The following EPM2A variants were observed in gnomAD, a reference collection of about 807,000 sequenced individuals.
EPM2A encodes the protein laforin.
In EPM2A, 21 loss-of-function variants were observed where a neutral mutation model predicts 26.5. That is an observed-to-expected ratio of 0.79 (90% CI 0.56 to 1.14). The LOEUF (loss-of-function observed/expected upper bound fraction) is 1.14, where lower values mean the gene tolerates loss of function less well. Among genes scored for constraint, EPM2A ranks in the 50% most tolerant of loss-of-function variants. The pLI is 0.00. For synonymous variants in EPM2A, 217 were observed against 177.6 expected (o/e 1.22, Z -1.76); for missense variants, 458 against 440.8 (o/e 1.04, Z -0.35).
At chr6:145,729,838 T>C (rs2128644668) in intron 1 of EPM2A, among the ~76,000 whole-genome samples, 1 of 152,312 alleles carries the variant, frequency 6.6e-6, no homozygotes, top group South Asian at 2.1e-4. Flanking sequence ...AGTGGAATGA[T>C]ATGGTTTAGA....
chr6:145,573,256 C>A (rs144080159), intron 2 of EPM2A, among the ~76,000 whole-genome samples: 2 of 152,166 alleles, frequency 1.3e-5, no homozygotes, highest in Non-Finnish European at 2.9e-5. Context: ...AGTTGATATA[C>A]CCCTGAGGTA....
intron 2 of EPM2A, chr6:145,641,328 G>A (rs1190132037): frequency 1.3e-5 from 2 of 152,210 alleles, no homozygotes; most frequent in Non-Finnish European, 1.5e-5. Context: ...GTCCTTATAA[G>A]AGGGGGGTTT....
intron 2 of EPM2A, among the ~76,000 whole-genome samples, chr6:145,521,371 G>T (rs1213483341): frequency 6.6e-6 from 1 of 152,098 alleles, no homozygotes; most frequent in Non-Finnish European, 1.5e-5. Context: ...AAAAGATAAA[G>T]AAATCTTGCC....
downstream of EPM2A, among the ~76,000 whole-genome samples, chr6:145,500,593 T>C (rs1779876538): frequency 6.6e-6 from 1 of 152,070 alleles, no homozygotes; most frequent in Non-Finnish European, 1.5e-5. Flanking sequence ...TTCTTGAGAG[T>C]TCCTGTTTCT....
At position 145,627,280 on chromosome 6, in the gene EPM2A, C is replaced by A; in HGVS notation, c.*136G>T. ...AACAAAGCATAATCGAAAGTCATCC[C>A]AGGTGAAAGTGGTTGGCTTGGGGGA... On this transcript the variant is annotated 3_prime_UTR_variant, in exon 4 of 4. Transcript: ENST00000367519. 6.4e-7 allele frequency: 1 copy of A among 1,561,910 alleles called. No individual in the cohort carries two copies. Among genetic ancestry groups the A allele is most frequent in the Non-Finnish European group, 8.6e-7 (1 of 1,164,046 alleles).
chr6:145,584,494 G>A (rs1781160412), intron 2 of EPM2A, among the ~76,000 whole-genome samples: 1 of 152,146 alleles, frequency 6.6e-6, no homozygotes, highest in African/African-American at 2.4e-5. Flanking sequence ...CTGGGGATGG[G>A]CATCGCTGGC....
chr6:145,582,428 G>A, intron 2 of EPM2A, among the ~76,000 whole-genome samples: 1 of 152,168 alleles, frequency 6.6e-6, no homozygotes, highest in East Asian at 1.9e-4. Flanking sequence ...TTTGGCATGA[G>A]GAGTTCTGTA....
At chr6:145,544,703 G>A (rs1377872952) in intron 2 of EPM2A, among the ~76,000 whole-genome samples, 2 of 152,158 alleles carry the variant, frequency 1.3e-5, no homozygotes. Context: ...GATGTAGGAT[G>A]ATGAATCACT....
intron 4 of EPM2A, among the ~76,000 whole-genome samples, chr6:145,412,926 T>C (rs914500562): frequency 1.3e-5 from 2 of 152,160 alleles, no homozygotes; most frequent in Admixed American, 1.3e-4. Context: ...TTGGTTTCCC[T>C]GGTGTAATTT....
At chr6:145,528,499 G>C (rs1410356182) in intron 2 of EPM2A, among the ~76,000 whole-genome samples, 1 of 152,110 alleles carries the variant, frequency 6.6e-6, no homozygotes, top group Non-Finnish European at 1.5e-5. Flanking sequence ...TTCTCTGCCT[G>C]TGTTCTATAT....
chr6:145,705,789 A>G (rs1782189473), intron 1 of EPM2A: 4 of 441,618 alleles, frequency 9.1e-6, no homozygotes, highest in South Asian at 4.7e-5. Flanking sequence ...AGCAAGCCAC[A>G]TAACAAAGAT....
At chr6:145,556,852 T>G (rs983680692) in intron 2 of EPM2A, among the ~76,000 whole-genome samples, 2 of 152,122 alleles carry the variant, frequency 1.3e-5, no homozygotes, top group African/African-American at 4.8e-5. Flanking sequence ...TTTACAATAA[T>G]AGTGTGTTTG....
At chr6:145,426,559 C>T (rs180685494) in intron 4 of EPM2A, among the ~76,000 whole-genome samples, 7 of 152,174 alleles carry the variant, frequency 4.6e-5, no homozygotes, top group Admixed American at 2.6e-4. Context: ...ACATATAAAA[C>T]TATGCATCCT....
At chr6:145,421,585 A>G (rs978885301) in intron 4 of EPM2A, among the ~76,000 whole-genome samples, 32 of 152,036 alleles carry the variant, frequency 2.1e-4, no homozygotes, top group Non-Finnish European at 4.4e-4. Flanking sequence ...AAAAAATTTC[A>G]CAGTTCAATA....
At chr6:145,554,671 A>T (rs1050590056) in intron 2 of EPM2A, among the ~76,000 whole-genome samples, 1 of 152,098 alleles carries the variant, frequency 6.6e-6, no homozygotes, top group African/African-American at 2.4e-5. Flanking sequence ...AGCAGAAGGC[A>T]TCACAAGGTG....
At chr6:145,505,249 A>AG (rs1562361756) in intron 2 of EPM2A, among the ~76,000 whole-genome samples, 1 of 151,958 alleles carries the variant, frequency 6.6e-6, no homozygotes, top group African/African-American at 2.4e-5. Context: ...GTATAATTAA[A>AG]AAAAAAAATT....
intron 1 of EPM2A, among the ~76,000 whole-genome samples, chr6:145,719,932 A>G (rs1248869366): frequency 1.6e-5 from 2 of 122,780 alleles, no homozygotes; most frequent in Non-Finnish European, 3.4e-5. Flanking sequence ...TAACGATTTA[A>G]ACAATACTAA....
intron 4 of EPM2A, among the ~76,000 whole-genome samples, chr6:145,418,916 C>G (rs1203802012): frequency 1.3e-5 from 2 of 152,094 alleles, no homozygotes; most frequent in Non-Finnish European, 2.9e-5. Context: ...TTACGTTTAC[C>G]AAAGTCTGTT....
chr6:145,406,996 G>T, intron 4 of EPM2A, among the ~76,000 whole-genome samples: 1 of 152,122 alleles, frequency 6.6e-6, no homozygotes, highest in East Asian at 1.9e-4. Flanking sequence ...AGTTCTGTGG[G>T]GAAGGAGTTA....
Sources: gnomAD v4.1 joint callset for allele counts (sites outside exome capture counted in the v4.1 genomes callset) on GRCh38, gnomAD v4.1.1 for gene constraint, MANE v1.5 for transcripts, NCBI Gene and HGNC (gene_info 2026-07-23, HGNC 2026-07-21) for gene names.